SGK1: variants seen among roughly 807,000 people sequenced by gnomAD.
The protein encoded by SGK1 is serum/glucocorticoid regulated kinase 1.
SGK1 carries 26 observed loss-of-function variants against 64.2 expected under a neutral mutation model. The ratio of observed to expected loss-of-function variants is 0.40; its 90% confidence interval spans 0.30 to 0.56. The LOEUF is 0.56. Among genes scored for constraint, SGK1 ranks in the 20% least tolerant of loss-of-function variants. The probability of loss-of-function intolerance (pLI) is 0.38; values close to 1 mark genes in which losing one functional copy is unlikely to be tolerated. For missense variants in SGK1, 519 were observed against 645.6 expected (o/e 0.80, Z 2.12); for synonymous variants, 265 against 239.7 (o/e 1.11, Z -0.98).
At chr6:134,262,254 A>C (rs960137639) in intron 1 of SGK1, 106 bp from the exon 2 acceptor site, 10 of 726,604 alleles carry the variant, frequency 1.4e-5, no homozygotes, top group Non-Finnish European at 2.3e-5. Context: ...TGAAAGGAGA[A>C]CTCGGTCTCA....
At chr6:134,281,704 T>TG (rs1336221038) in intron 1 of SGK1, among the ~76,000 whole-genome samples, 1 of 151,786 alleles carries the variant, frequency 6.6e-6, no homozygotes, top group East Asian at 1.9e-4. Flanking sequence ...TTTGTAGAGA[T>TG]GGGGGTCTCA....
At chr6:134,313,812 G>A (rs762521205) in intron 1 of SGK1, among the ~76,000 whole-genome samples, 6 of 152,172 alleles carry the variant, frequency 3.9e-5, no homozygotes, top group African/African-American at 4.8e-5. Flanking sequence ...AAGGATTATC[G>A]AGTTGGAGAC....
At chr6:134,291,148 G>A (rs780463530) in intron 1 of SGK1, among the ~76,000 whole-genome samples, 6 of 152,226 alleles carry the variant, frequency 3.9e-5, no homozygotes, top group East Asian at 3.9e-4. Context: ...GCTCAGCCAC[G>A]TGTGGGATGA....
chr6:134,294,931 C>T (rs759109257), intron 1 of SGK1, among the ~76,000 whole-genome samples: 1 of 152,206 alleles, frequency 6.6e-6, no homozygotes, highest in Non-Finnish European at 1.5e-5. Flanking sequence ...GTGCCTTGAA[C>T]AACTGTCATA....
At chr6:134,192,876 C>A (rs1386683907) in intron 3 of SGK1, among the ~76,000 whole-genome samples, 1 of 152,130 alleles carries the variant, frequency 6.6e-6, no homozygotes, top group Admixed American at 6.6e-5. Context: ...CCACTATTAA[C>A]CCCTTATTTC....
At chr6:134,219,684 AGGG>A in intron 2 of SGK1, among the ~76,000 whole-genome samples, 1 of 141,124 alleles carries the variant, frequency 7.1e-6, no homozygotes, top group African/African-American at 2.6e-5. Flanking sequence ...CGCTTGAATG[AGGG>A]AGGCAGAGGT....
chr6:134,172,458 C>T (rs1775061394), intron 9 of SGK1, 142 bp from the exon 10 acceptor site: 12 of 877,182 alleles, frequency 1.4e-5, no homozygotes, highest in African/African-American at 3.4e-5. Flanking sequence ...AGCCCTTGTT[C>T]TGCTCATCTA....
In SGK1 at chr6:134,269,926, C is replaced by CTCT. The variant is rs111748425; in HGVS notation, c.70-7779_70-7778insAGA. Among the ~76,000 whole-genome samples the CTCT allele has an allele frequency of 8.7e-3, 1,223 of 141,054 alleles. 57 individuals carry two copies. The highest frequency in any genetic ancestry group is 0.029 in the African/African-American group (1,154 of 39,636). 92.5% of individuals were successfully genotyped at this position (141,054 alleles called of 152,430 possible). On this transcript the variant is annotated intron_variant, in intron 1 of 13. Transcript: ENST00000367858. ...TCATGTATCTGTCTTTTCTCTCTCT[C>CTCT]TTTTTTTTTTTTGAGACGGAGTTGT...
chr6:134,294,124 A>G (rs1268908227), intron 1 of SGK1, among the ~76,000 whole-genome samples: 1 of 152,216 alleles, frequency 6.6e-6, no homozygotes, highest in African/African-American at 2.4e-5. Context: ...AGTGAAGCCT[A>G]TCTTGGCCTC....
intron 1 of SGK1, among the ~76,000 whole-genome samples, chr6:134,271,480 C>A (rs1776939734): frequency 6.8e-6 from 1 of 147,660 alleles, no homozygotes; most frequent in African/African-American, 2.4e-5. Context: ...GAAATTAAGG[C>A]TCAGGGAAAA....
At chr6:134,187,891 C>A (rs542858479) in intron 3 of SGK1, among the ~76,000 whole-genome samples, 1 of 152,172 alleles carries the variant, frequency 6.6e-6, no homozygotes, top group Admixed American at 6.5e-5. Context: ...AATCAGCCTG[C>A]GACCAGGTGG....
intron 4 of SGK1, 84 bp from the exon 5 acceptor site, chr6:134,174,164 C>T (rs1407880117): frequency 3.3e-6 from 3 of 919,144 alleles, no homozygotes; most frequent in East Asian, 2.4e-5. Flanking sequence ...CTGGCTCTAC[C>T]GACTTCTACC....
At chr6:134,177,712 A>G (rs1329770729) in intron 3 of SGK1, 2 of 1,613,860 alleles carry the variant, frequency 1.2e-6, no homozygotes, top group African/African-American at 1.3e-5. Context: ...GGGTTGCCCA[A>G]GGATATGCAG....
intron 1 of SGK1, among the ~76,000 whole-genome samples, chr6:134,294,478 T>C (rs988397451): frequency 1.3e-5 from 2 of 152,222 alleles, no homozygotes; most frequent in African/African-American, 2.4e-5. Flanking sequence ...CTCATGTAAA[T>C]TGAATTATAC....
chr6:134,297,295 G>A, intron 1 of SGK1: 1 of 1,270,404 alleles, frequency 7.9e-7, no homozygotes, highest in Admixed American at 1.7e-5. Context: ...ACGTTCATCA[G>A]CTCCTGGTAC....
intron 3 of SGK1, among the ~76,000 whole-genome samples, chr6:134,178,293 G>T (rs1481877148): frequency 1.3e-5 from 2 of 152,136 alleles, no homozygotes; most frequent in Non-Finnish European, 2.9e-5. Flanking sequence ...AGAGAATCAA[G>T]TTGTTGAGAC....
At chr6:134,305,251 C>T (rs117336231) in intron 1 of SGK1, among the ~76,000 whole-genome samples, 3,797 of 150,706 alleles carry the variant, frequency 0.025, 67 homozygotes, top group East Asian at 0.082. Context: ...CCCACCTACT[C>T]TGGAGGCTGA....
At chr6:134,211,877 G>GAAAA (rs573091377) in intron 2 of SGK1, among the ~76,000 whole-genome samples, 1 of 81,624 alleles carries the variant, frequency 1.2e-5, no homozygotes, top group African/African-American at 4.2e-5. Flanking sequence ...CGTCTACAAG[G>GAAAA]AAAAAAAAAA....
At chr6:134,189,932 C>T (rs1488647541) in intron 3 of SGK1, among the ~76,000 whole-genome samples, 1 of 152,228 alleles carries the variant, frequency 6.6e-6, no homozygotes, top group African/African-American at 2.4e-5. Context: ...TCACTGCAAC[C>T]TCCGCCTTCC....
Sources: allele counts gnomAD v4.1 joint callset (sites outside exome capture counted in the v4.1 genomes callset), GRCh38; gene constraint gnomAD v4.1.1; transcripts MANE v1.5; gene names NCBI Gene and HGNC (gene_info 2026-07-23, HGNC 2026-07-21).